The following ME3 variants were observed in gnomAD, a reference collection of about 807,000 sequenced individuals.
ME3 encodes malic enzyme 3, also known as NADP-dependent malic enzyme, mitochondrial.
Under a neutral mutation model 68.9 loss-of-function variants are expected in ME3, and 48 were observed. The observed-to-expected ratio is 0.70, with a 90% CI of 0.55 to 0.89. The LOEUF is 0.89. Ranked by LOEUF, ME3 falls within the 40% of genes least tolerant of loss-of-function variation. ME3 has a pLI of 0.00. For missense variants in ME3, 675 were observed against 797.4 expected (o/e 0.85, Z 1.85); for synonymous variants, 320 against 318.8 (o/e 1.00, Z -0.04).
intron 2 of ME3, among the ~76,000 whole-genome samples, chr11:86,661,504 T>C (rs1389270593): frequency 6.6e-6 from 1 of 152,236 alleles, no homozygotes; most frequent in South Asian, 2.1e-4. Flanking sequence ...AGATGAGGTC[T>C]CTTACAGGGT....
chr11:86,472,529 G>A (rs1248871894), intron 7 of ME3, among the ~76,000 whole-genome samples: 1 of 152,156 alleles, frequency 6.6e-6, no homozygotes, highest in African/African-American at 2.4e-5. Context: ...ATATGTTAAG[G>A]AAGTGAAAAG....
chr11:86,582,866 C>T (rs546017240), intron 2 of ME3, among the ~76,000 whole-genome samples: 5 of 150,300 alleles, frequency 3.3e-5, no homozygotes, highest in Admixed American at 1.3e-4. Context: ...TTGTTTCCAC[C>T]GAGTCTGAAA....
intron 2 of ME3, among the ~76,000 whole-genome samples, chr11:86,642,693 G>A (rs749612220): frequency 3.3e-5 from 5 of 152,122 alleles, no homozygotes; most frequent in Non-Finnish European, 5.9e-5. Context: ...GACAGAGCAA[G>A]ACCCTGTCTT....
chr11:86,629,186 G>C (rs571326331), intron 2 of ME3, among the ~76,000 whole-genome samples: 3 of 152,138 alleles, frequency 2.0e-5, no homozygotes, highest in Admixed American at 2.0e-4. Context: ...TTTCTCACCA[G>C]GTCATGAGAA....
chr11:86,581,643 A>G (rs1234660110), intron 2 of ME3, among the ~76,000 whole-genome samples: 1 of 152,152 alleles, frequency 6.6e-6, no homozygotes, highest in East Asian at 1.9e-4. Context: ...GCATACATTC[A>G]TCTGCTTGCT....
chr11:86,435,380 A>C, the ME3 span: 2 of 152,224 alleles, frequency 1.3e-5, no homozygotes, highest in African/African-American at 4.8e-5. Context: ...TATGAAAGCA[A>C]TAAGGACTAG....
At chr11:86,563,750 G>C (rs879883011) in intron 2 of ME3, among the ~76,000 whole-genome samples, 2 of 152,168 alleles carry the variant, frequency 1.3e-5, no homozygotes, top group Non-Finnish European at 2.9e-5. Context: ...TTGATGATCA[G>C]ATGGTTATAG....
chr11:86,488,740 T>C (rs997650966), intron 6 of ME3, among the ~76,000 whole-genome samples: 3 of 152,208 alleles, frequency 2.0e-5, no homozygotes, highest in African/African-American at 7.2e-5. Context: ...TTGCTGACAC[T>C]GGGCCCAGTG....
intron 7 of ME3, among the ~76,000 whole-genome samples, chr11:86,482,749 G>T (rs905989103): frequency 6.6e-6 from 1 of 151,884 alleles, no homozygotes; most frequent in African/African-American, 2.4e-5. Flanking sequence ...AAGAGAAGAG[G>T]CCATGTGAAG....
At chr11:86,571,078 T>A (rs1957763849) in intron 2 of ME3, among the ~76,000 whole-genome samples, 1 of 152,210 alleles carries the variant, frequency 6.6e-6, no homozygotes. Flanking sequence ...TTTAAATCTT[T>A]TTAGGTTAAG....
At chr11:86,517,827 C>T (rs1035406212) in intron 4 of ME3, among the ~76,000 whole-genome samples, 1 of 152,138 alleles carries the variant, frequency 6.6e-6, no homozygotes, top group Non-Finnish European at 1.5e-5. Context: ...ATGGCAGGTA[C>T]TCTATAAGTG....
At chr11:86,476,548 G>A (rs1247182518) in intron 7 of ME3, among the ~76,000 whole-genome samples, 1 of 152,154 alleles carries the variant, frequency 6.6e-6, no homozygotes, top group Non-Finnish European at 1.5e-5. Context: ...GGTTACTTGA[G>A]GGGGTGACTG....
At chr11:86,657,241 G>A (rs1349268798) in intron 2 of ME3, among the ~76,000 whole-genome samples, 2 of 152,116 alleles carry the variant, frequency 1.3e-5, no homozygotes, top group Non-Finnish European at 2.9e-5. Flanking sequence ...ATGATAGGCT[G>A]GATACAGAAA....
downstream of ME3, among the ~76,000 whole-genome samples, chr11:86,439,152 C>G (rs925592321): frequency 2.6e-5 from 4 of 152,186 alleles, no homozygotes; most frequent in Admixed American, 6.5e-5. Context: ...AAATGTTACT[C>G]TCATCCAAAG....
intron 7 of ME3, among the ~76,000 whole-genome samples, chr11:86,466,948 CAAT>C (rs566199186): frequency 1.3e-5 from 2 of 152,184 alleles, no homozygotes; most frequent in Non-Finnish European, 2.9e-5. Context: ...TCAGTGGGCA[CAAT>C]AATATCTGCC....
intron 2 of ME3, among the ~76,000 whole-genome samples, chr11:86,659,934 C>A (rs113440310): frequency 7.3e-4 from 111 of 152,086 alleles, no homozygotes; most frequent in African/African-American, 2.6e-3. Flanking sequence ...AGTTTTTAAA[C>A]CTTGGTTAGA....
intron 7 of ME3, among the ~76,000 whole-genome samples, chr11:86,476,163 A>C (rs1478974636): frequency 6.6e-6 from 1 of 152,216 alleles, no homozygotes; most frequent in African/African-American, 2.4e-5. Flanking sequence ...CAGGACGCTC[A>C]GTTCTAACAT....
At chr11:86,499,519 G>A (rs763105638) in intron 5 of ME3, among the ~76,000 whole-genome samples, 3 of 152,166 alleles carry the variant, frequency 2.0e-5, no homozygotes, top group Non-Finnish European at 4.4e-5. Context: ...ACATTGCTGG[G>A]CAATGGGGGT....
intron 2 of ME3, among the ~76,000 whole-genome samples, chr11:86,597,059 A>G (rs1468394172): frequency 6.6e-6 from 1 of 152,264 alleles, no homozygotes; most frequent in Non-Finnish European, 1.5e-5. Context: ...GCACAGGCAG[A>G]GCAGGAAATC....
Sources: allele counts gnomAD v4.1 joint callset (sites outside exome capture counted in the v4.1 genomes callset), GRCh38; gene constraint gnomAD v4.1.1; transcripts MANE v1.5; gene names NCBI Gene and HGNC (gene_info 2026-07-23, HGNC 2026-07-21).